TEP1: variants seen among roughly 807,000 people sequenced by gnomAD.
The protein encoded by TEP1 is telomerase protein component 1.
TEP1 carries 241 observed loss-of-function variants against 306.3 expected under a neutral mutation model. That is an observed-to-expected ratio of 0.79 (90% CI 0.71 to 0.88). TEP1 has a LOEUF of 0.88. TEP1 is among the 40% of genes least tolerant of loss of function. The pLI, the probability that TEP1 is intolerant of heterozygous loss-of-function variation, is 0.00. For missense variants in TEP1, 3,051 were observed against 3,276.1 expected (o/e 0.93, Z 1.68); for synonymous variants, 1,289 against 1,305.5 (o/e 0.99, Z 0.27).
intron 49 of TEP1, among the ~76,000 whole-genome samples, chr14:20,372,105 G>A (rs897886411): frequency 2.0e-5 from 3 of 151,982 alleles, no homozygotes; most frequent in African/African-American, 4.8e-5. Flanking sequence ...TTAGCACTGT[G>A]CCCTCTACAG....
intron 17 of TEP1, 73 bp from the exon 18 acceptor site, chr14:20,388,136 A>G (rs1423545340): frequency 1.9e-6 from 3 of 1,544,204 alleles, no homozygotes; most frequent in Non-Finnish European, 1.8e-6. Context: ...CGAAAAGGGC[A>G]GGGGGAAAAA....
rs559665750 is a variant in TEP1, at chr14:20,390,224, G to A, written c.2334+457C>T. On this transcript the variant is annotated intron_variant, in intron 15 of 54. Coordinates refer to ENST00000262715, the MANE Select transcript of TEP1 (RefSeq NM_007110.5). ...AGCCTGGGCAACGGAGTGAGACCCTGTCTCAAAAAATAAAAATCAGAAAAT... is the reference window on the plus strand; with the variant it reads ...AGCCTGGGCAACGGAGTGAGACCCTATCTCAAAAAATAAAAATCAGAAAAT... Among the ~76,000 whole-genome samples the A allele has an allele frequency of 1.4e-3, 208 of 152,156 alleles. 1 individual carries two copies. The highest frequency in any genetic ancestry group is 4.9e-3 in the African/African-American group (202 of 41,498).
chr14:20,369,825 A>G, intron 51 of TEP1, 46 bp from the exon 52 acceptor site: 2 of 1,488,260 alleles, frequency 1.3e-6, no homozygotes, highest in African/African-American at 1.4e-5. Flanking sequence ...ATATGAGTCA[A>G]CTTGTACCAG....
chr14:20,369,791 T>A lies in TEP1; in HGVS notation c.7318-12A>T. On this transcript the variant is annotated splice_polypyrimidine_tract_variant and intron_variant, in intron 51 of 54. Coordinates refer to ENST00000262715, the MANE Select transcript of TEP1 (RefSeq NM_007110.5). ...GATTCCTTTTGCCTCTGTGAAAGAA[T>A]AGGTAATTTTGTTTAGCCTACCCAT... 6.2e-7 allele frequency: 1 copy of A among 1,609,702 alleles called. No individual in the cohort carries two copies. Among genetic ancestry groups the A allele is most frequent in the Non-Finnish European group, 8.5e-7 (1 of 1,176,482 alleles).
intron 9 of TEP1, among the ~76,000 whole-genome samples, chr14:20,397,782 C>T (rs1031609321): frequency 6.6e-6 from 1 of 151,704 alleles, no homozygotes; most frequent in African/African-American, 2.4e-5. Context: ...GAGACGGAGT[C>T]TCACTCTGTC....
In TEP1 at chr14:20,396,698, G is replaced by C. The variant is rs540342712; in HGVS notation, c.1582C>G (p.Arg528Gly). The change falls in exon 10 of 55, where the codon CGG becomes GGG. Residue 528 changes from arginine (R) to glycine (G), a missense_variant. Transcript: ENST00000262715. ...ACCCGCAGCAGGTTGCACAGGTTCC[G>C]AAGCATGGCCATGAAGGGAAGCTTC... Reference protein sequence around the residue: ...NGKLPFMAMLRNLCNLLRVGI... With the variant: ...NGKLPFMAMLGNLCNLLRVGI... 1 of 1,611,492 alleles carries C rather than the reference G, an allele frequency of 6.2e-7. No individual in the cohort carries two copies. Among genetic ancestry groups the C allele is most frequent in the Non-Finnish European group, 8.5e-7 (1 of 1,177,978 alleles).
At chr14:20,372,707 C>T in intron 49 of TEP1, 26 bp downstream of exon 49, 1 of 1,613,942 alleles carries the variant, frequency 6.2e-7, no homozygotes, top group Non-Finnish European at 8.5e-7. Context: ...CTGTTTCTAT[C>T]CCATTAACCC....
chr14:20,391,703 G>A lies in TEP1; in HGVS notation c.1993C>T (p.Leu665Phe). 1 of 1,614,218 alleles carries A rather than the reference G, an allele frequency of 6.2e-7. No homozygotes were observed. The highest frequency in any genetic ancestry group is 8.5e-7 in the Non-Finnish European group (1 of 1,180,026). Residue 665 changes from leucine (L) to phenylalanine (F), a missense_variant, in exon 13 of 55, where the codon CTC (leucine) becomes TTC (phenylalanine). Around this residue, in one of 3 missense-constraint regions of TEP1, gnomAD observed 1,507 missense variants for 1,550.5 expected, o/e 0.97. Transcript: ENST00000262715. ...YRQALETAVN[L>F]SVKHSLPLLP... ...AGGGGCAGGCTGTGCTTCACAGAGA[G>A]GTTCACAGCTGTCTCTAGGGCCTGT... is the stretch of plus-strand genomic sequence containing the variant.
chr14:20,377,810 T>C (rs1253438012), intron 39 of TEP1, 57 bp from the exon 40 acceptor site: 1 of 1,596,718 alleles, frequency 6.3e-7, no homozygotes, highest in South Asian at 1.1e-5. Flanking sequence ...TCCTCCTTCC[T>C]GTTTTGAGTT....
intron 12 of TEP1, among the ~76,000 whole-genome samples, chr14:20,393,142 A>G (rs1000922545): frequency 4.6e-5 from 7 of 152,082 alleles, no homozygotes; most frequent in South Asian, 4.2e-4. Flanking sequence ...GTGTGAACCC[A>G]GGAGGTGGAG....
chr14:20,395,015 T>C (rs145376137), intron 12 of TEP1, among the ~76,000 whole-genome samples: 312 of 152,248 alleles, frequency 2.0e-3, no homozygotes, highest in African/African-American at 7.0e-3. Flanking sequence ...TTTGTGTGTA[T>C]TTCAAAATAC....
rs968098732 is a variant in TEP1 at position 20,365,822 on chromosome 14, C to A, written c.*2615G>T. On this transcript the variant is annotated 3_prime_UTR_variant, in exon 55 of 55. Transcript: ENST00000262715. ...TAGTCCATGAACCAAACTTTGAGTA[C>A]CTCTGCTCTAGATTTCAAAAACAGA... is the stretch of plus-strand genomic sequence containing the variant. 2 of 152,140 alleles carry A rather than the reference C, an allele frequency of 1.3e-5. No homozygotes were observed. Among genetic ancestry groups the A allele is most frequent in the Non-Finnish European group, 2.9e-5 (2 of 68,038 alleles). The allele number at this position is 152,140 out of a possible 1,614,324, so 9.4% of individuals were successfully genotyped here. A position where few individuals can be genotyped will look rare whatever the true frequency, so the allele number is the denominator to read the frequency against.
In TEP1 at chr14:20,381,711, G is replaced by A. The variant is rs368103566; in HGVS notation, c.4425-25C>T. 18 of 1,571,194 alleles carry A rather than the reference G, an allele frequency of 1.1e-5. No individual in the cohort carries two copies. The African/African-American group carries it at 1.6e-4, about 14-fold the overall frequency. On this transcript the variant is annotated intron_variant, in intron 30 of 54. Transcript: ENST00000262715. This position sits in a 1 kb window ranked among gnomAD's most constrained non-coding sequence, Gnocchi z 4.0. ...ACTGTCCTCGTGTGAGGAAGGGAGA[G>A]AGAAGAAGGAAGAGGCCTGTCAGTG...
intron 35 of TEP1, 38 bp from the exon 36 acceptor site, chr14:20,379,143 C>A (rs752659901): frequency 1.2e-6 from 2 of 1,608,052 alleles, no homozygotes; most frequent in South Asian, 1.1e-5. Context: ...TCAGGCCATC[C>A]CCTTGACCCT....
chr14:20,369,910 G>C, intron 51 of TEP1, 131 bp from the exon 52 acceptor site: 1 of 605,652 alleles, frequency 1.7e-6, no homozygotes, highest in Non-Finnish European at 2.7e-6. Flanking sequence ...ATACAATCAA[G>C]TGCGCAAATT....
At chr14:20,391,478 A>G (rs1428562081) in intron 13 of TEP1, 121 bp downstream of exon 13, 1 of 1,184,882 alleles carries the variant, frequency 8.4e-7, no homozygotes, top group Non-Finnish European at 1.2e-6. Context: ...AAGCAAATTC[A>G]TATCATTTAT....
Position 20,378,113 on chromosome 14 carries a change from C to A in TEP1, c.5632G>T (p.Ala1878Ser). The change falls in exon 39 of 55, where the codon GCT becomes TCT. Residue 1878 changes from alanine (A) to serine (S), a missense_variant. Ala to Ser is a moderately conservative substitution (Grantham distance 99). This residue lies in a region of TEP1 where 1,540 missense variants were observed against 1,705.9 expected (regional missense o/e 0.90). Coordinates refer to ENST00000262715, the MANE Select transcript of TEP1 (RefSeq NM_007110.5). ...AAGCCATGGTGGGCAGGGAAGGCAG[C>A]CAGCCGTGCCCCTTCTCGCCAGGCC... ...LWAWREGARLAAFPAHHGFVA... is the reference protein window; with the variant it reads ...LWAWREGARLSAFPAHHGFVA... 6.2e-7 allele frequency: 1 copy of A among 1,613,888 alleles called. No homozygotes were observed. Among genetic ancestry groups the A allele is most frequent in the Non-Finnish European group, 8.5e-7 (1 of 1,180,020 alleles).
chr14:20,366,594 G>C lies in TEP1; in HGVS notation c.*1843C>G, dbSNP rs547468391. 3 of 152,286 alleles carry C rather than the reference G, an allele frequency of 2.0e-5. No individual in the cohort carries two copies. The highest frequency in any genetic ancestry group is 7.2e-5 in the African/African-American group (3 of 41,564). 9.4% of individuals were successfully genotyped at this position (152,286 alleles called of 1,614,324 possible). A position where few individuals can be genotyped will look rare whatever the true frequency, so the allele number is the denominator to read the frequency against. On this transcript the variant is annotated 3_prime_UTR_variant, in exon 55 of 55. Coordinates refer to ENST00000262715, the MANE Select transcript of TEP1 (RefSeq NM_007110.5). ...GGTCAGGATGGAAACCAGGGCATTG[G>C]ATAGAAATAAAGTCCCTCAGGTTAT...
At chr14:20,396,796 A>G (rs1203112801) in intron 9 of TEP1, 66 bp from the exon 10 acceptor site, 3 of 1,151,628 alleles carry the variant, frequency 2.6e-6, no homozygotes, top group Middle Eastern at 2.0e-4. Context: ...GCATGCACCT[A>G]TAATCTCAGC....
Sources: gnomAD v4.1 joint callset for allele counts (sites outside exome capture counted in the v4.1 genomes callset) on GRCh38, gnomAD v4.1.1 for gene constraint, gnomAD v4.1.1 regional missense constraint, Gnocchi (gnomAD v3.1) non-coding constraint, MANE v1.5 for transcripts, NCBI Gene and HGNC (gene_info 2026-07-23, HGNC 2026-07-21) for gene names.